Variants in MGAT4C observed in about 807,000 individuals in gnomAD.
The protein encoded by MGAT4C is MGAT4 family member C.
A neutral mutation model predicts 40.1 loss-of-function variants in MGAT4C; 19 were observed. That is an observed-to-expected ratio of 0.47 (90% confidence interval 0.33 to 0.70). The LOEUF is 0.70. MGAT4C is among the 30% of genes least tolerant of loss of function. The probability of loss-of-function intolerance (pLI) is 0.02; values close to 1 mark genes in which losing one functional copy is unlikely to be tolerated. For synonymous variants in MGAT4C, 181 were observed against 187.1 expected (o/e 0.97, Z 0.27); for missense variants, 491 against 563.2 (o/e 0.87, Z 1.30).
intron 2 of MGAT4C, among the ~76,000 whole-genome samples, chr12:86,592,985 A>G (rs1961390084): frequency 6.6e-6 from 1 of 152,056 alleles, no homozygotes; most frequent in Non-Finnish European, 1.5e-5. Flanking sequence ...TGGTTATATA[A>G]TATCATACTT....
At chr12:86,203,765 C>T (rs1950139172) in intron 1 of MGAT4C, among the ~76,000 whole-genome samples, 1 of 151,678 alleles carries the variant, frequency 6.6e-6, no homozygotes, top group African/African-American at 2.4e-5. Context: ...TGAGACCAGA[C>T]TGACCAACGT....
intron 4 of MGAT4C, among the ~76,000 whole-genome samples, chr12:86,297,722 A>G (rs1953714960): frequency 1.3e-5 from 2 of 152,180 alleles, no homozygotes; most frequent in South Asian, 4.1e-4. Flanking sequence ...ACTCATACAC[A>G]GGTGGTTTAT....
At chr12:86,591,585 A>T (rs1961333003) in intron 2 of MGAT4C, among the ~76,000 whole-genome samples, 1 of 151,900 alleles carries the variant, frequency 6.6e-6, no homozygotes, top group South Asian at 2.1e-4. Context: ...AAAATTAAAG[A>T]GAATACTTAA....
intron 2 of MGAT4C, among the ~76,000 whole-genome samples, chr12:86,469,612 C>T (rs1036676850): frequency 5.9e-5 from 9 of 151,988 alleles, no homozygotes; most frequent in African/African-American, 1.9e-4. Context: ...AAAGTAATTG[C>T]GGTTTTTTTT....
intron 1 of MGAT4C, among the ~76,000 whole-genome samples, chr12:86,807,072 G>T (rs900865556): frequency 1.3e-5 from 2 of 151,668 alleles, no homozygotes; most frequent in Non-Finnish European, 2.9e-5. Flanking sequence ...TCTTATATAT[G>T]AAACTATATA....
intron 1 of MGAT4C, among the ~76,000 whole-genome samples, chr12:86,828,428 C>T (rs1952851271): frequency 6.6e-6 from 1 of 151,248 alleles, no homozygotes; most frequent in East Asian, 1.9e-4. Flanking sequence ...TCATAACAAA[C>T]TTTTAAAAAT....
intron 2 of MGAT4C, among the ~76,000 whole-genome samples, chr12:86,625,799 A>T (rs1962785798): frequency 6.6e-6 from 1 of 152,226 alleles, no homozygotes; most frequent in African/African-American, 2.4e-5. Flanking sequence ...AAATGGAATT[A>T]TATAAATAAT....
chr12:86,415,264 A>C lies in MGAT4C; in HGVS notation c.-120+19893T>G, dbSNP rs111282756. Among the ~76,000 whole-genome samples the C allele has an allele frequency of 2.0e-3, 303 of 152,186 alleles. 2 individuals carry two copies. Among genetic ancestry groups the C allele is most frequent in the African/African-American group, 6.8e-3 (282 of 41,562 alleles). Reference sequence around the variant, plus strand: ...GGTGTTCTAATTGTAGCAAAATTGCAATAAGGCCTGGAATGACATGGATAT... The same window carrying C: ...GGTGTTCTAATTGTAGCAAAATTGCCATAAGGCCTGGAATGACATGGATAT... On this transcript the variant is annotated intron_variant, in intron 3 of 7. Transcript: ENST00000548651.
intron 2 of MGAT4C, chr12:86,599,734 C>T (rs181445493): frequency 2.6e-5 from 4 of 152,136 alleles, no homozygotes; most frequent in East Asian, 1.9e-4. Flanking sequence ...GTGTTTATAT[C>T]GCATAACTTT....
chr12:86,589,534 T>A (rs372743612), intron 2 of MGAT4C, among the ~76,000 whole-genome samples: 1 of 151,710 alleles, frequency 6.6e-6, no homozygotes, highest in African/African-American at 2.4e-5. Flanking sequence ...AAAGAGGGAA[T>A]CCTCCCTAAC....
intron 1 of MGAT4C, among the ~76,000 whole-genome samples, chr12:86,139,824 C>T (rs1233639032): frequency 6.6e-6 from 1 of 152,102 alleles, no homozygotes; most frequent in Non-Finnish European, 1.5e-5. Flanking sequence ...ATTCATAATC[C>T]TACCTGCAGT....
At chr12:86,410,402 G>T (rs1350313424) in intron 3 of MGAT4C, among the ~76,000 whole-genome samples, 2 of 152,164 alleles carry the variant, frequency 1.3e-5, no homozygotes, top group East Asian at 3.9e-4. Context: ...ATTCCTTGCT[G>T]GGAAAAGAAT....
At chr12:86,489,672 T>C (rs540926943) in intron 2 of MGAT4C, among the ~76,000 whole-genome samples, 17 of 152,280 alleles carry the variant, frequency 1.1e-4, no homozygotes, top group South Asian at 6.2e-4. Context: ...TTGCCACACT[T>C]GTTTGCTCAT....
intron 4 of MGAT4C, among the ~76,000 whole-genome samples, chr12:86,332,933 T>C (rs1267744104): frequency 6.6e-6 from 1 of 152,172 alleles, no homozygotes; most frequent in Non-Finnish European, 1.5e-5. Context: ...GTTGAAATGT[T>C]TCAAGGGATC....
intron 2 of MGAT4C, among the ~76,000 whole-genome samples, chr12:86,037,983 T>G (rs986801474): frequency 1.3e-5 from 2 of 148,444 alleles, no homozygotes; most frequent in Non-Finnish European, 3.0e-5. Context: ...TCCAGTGGAG[T>G]CAAAGGAATG....
chr12:86,469,939 A>C (rs2136302881), intron 2 of MGAT4C, among the ~76,000 whole-genome samples: 1 of 152,250 alleles, frequency 6.6e-6, no homozygotes, highest in East Asian at 1.9e-4. Flanking sequence ...GTTTTTTCTC[A>C]GTATTTTTAT....
intron 1 of MGAT4C, among the ~76,000 whole-genome samples, chr12:86,738,527 A>T (rs1951018705): frequency 6.6e-6 from 1 of 151,312 alleles, no homozygotes; most frequent in Admixed American, 6.6e-5. Flanking sequence ...GCAGGTACTC[A>T]ATTAATATTT....
chr12:86,805,547 T>C (rs562059036), intron 1 of MGAT4C, among the ~76,000 whole-genome samples: 2 of 152,014 alleles, frequency 1.3e-5, no homozygotes, highest in East Asian at 3.9e-4. Flanking sequence ...GGGCATAGTT[T>C]TTTTCTTTTT....
At position 86,674,514 on chromosome 12, in the gene MGAT4C, G is replaced by A. The variant is rs193231758; in HGVS notation, c.-229+52695C>T. Among the ~76,000 whole-genome samples the A allele has an allele frequency of 7.9e-5, 12 of 152,040 alleles. No homozygotes were observed. In the East Asian group the frequency reaches 2.3e-3, roughly 30 times the overall value. ...AGTTCGAGACCTGCCTGGCCAGTATGGTGAAACCCCGTCTTTACTAAAAAT... is the reference window on the plus strand; with the variant it reads ...AGTTCGAGACCTGCCTGGCCAGTATAGTGAAACCCCGTCTTTACTAAAAAT... On this transcript the variant is annotated intron_variant, in intron 2 of 7. Transcript: ENST00000548651.
Sources: gnomAD v4.1 joint callset for allele counts (sites outside exome capture counted in the v4.1 genomes callset) on GRCh38, gnomAD v4.1.1 for gene constraint, MANE v1.5 for transcripts, NCBI Gene and HGNC (gene_info 2026-07-23, HGNC 2026-07-21) for gene names.